FBXO8: variants seen among roughly 807,000 people sequenced by gnomAD.
FBXO8 encodes the protein F-box only protein 8.
A neutral mutation model predicts 33.4 loss-of-function variants in FBXO8; 15 were observed. The observed-to-expected ratio is 0.45, with a 90% CI of 0.30 to 0.69. FBXO8 has a LOEUF of 0.69. Among genes scored for constraint, FBXO8 ranks in the 30% least tolerant of loss-of-function variants. The pLI, the probability that FBXO8 is intolerant of heterozygous loss-of-function variation, is 0.08. For missense variants in FBXO8, 274 were observed against 380.3 expected, an observed-to-expected ratio of 0.72 and a Z score of 2.32; for synonymous variants, 132 against 131.5, an observed-to-expected ratio of 1.00 and a Z score of -0.02.
At chr4:174,239,829 A>AT (rs917851488) in intron 4 of FBXO8, among the ~76,000 whole-genome samples, 4 of 149,092 alleles carry the variant, frequency 2.7e-5, no homozygotes, top group South Asian at 2.2e-4. Context: ...TGTATATCTA[A>AT]TTTTTTAAAA....
Position 174,253,750 on chromosome 4 carries a change from T to C in FBXO8, c.456+5949A>G, listed in dbSNP as rs1479943970. Among the ~76,000 whole-genome samples the C allele has an allele frequency of 1.3e-5, 2 of 152,212 alleles. No homozygotes were observed. Among genetic ancestry groups the C allele is most frequent in the Non-Finnish European group, 2.9e-5 (2 of 68,034 alleles). On this transcript the variant is annotated intron_variant, in intron 3 of 5. Transcript: ENST00000393674. This position sits in a 1 kb window ranked among gnomAD's most constrained non-coding sequence, Gnocchi z 4.5. ...GGGGTGCTCGTGTGATTCAATTATG[T>C]TCTATAAGAAATGAGTAGAAGTACG...
Position 174,263,161 on chromosome 4 carries a change from G to A in FBXO8, c.-8-61C>T. 7.0e-7 allele frequency: 1 copy of A among 1,426,552 alleles called. No homozygotes were observed. The allele number at this position is 1,426,552 out of a possible 1,614,324, so 88.4% of individuals were successfully genotyped here. ...TAAAAAGTAACCCATTTTTCCCAGT[G>A]GTATAACAAATCTGACATGAAGCAT... On this transcript the variant is annotated intron_variant, in intron 1 of 5. Coordinates refer to ENST00000393674, the MANE Select transcript of FBXO8 (RefSeq NM_012180.3). This position sits in a 1 kb window ranked among gnomAD's most constrained non-coding sequence, Gnocchi z 4.2.
intron 3 of FBXO8, among the ~76,000 whole-genome samples, chr4:174,248,009 T>G (rs1030791993): frequency 6.6e-6 from 1 of 152,100 alleles, no homozygotes; most frequent in African/African-American, 2.4e-5. Flanking sequence ...AATATTTATC[T>G]GAGGATATTT....
chr4:174,237,532 C>A lies in FBXO8; in HGVS notation c.840G>T (p.Lys280Asn). 1 of 1,613,666 alleles carries A rather than the reference C, an allele frequency of 6.2e-7. No individual in the cohort carries two copies. The highest frequency in any genetic ancestry group is 8.5e-7 in the Non-Finnish European group (1 of 1,179,692). ...LSIDLTSPHV[K>N]NKMSKREFIR... Reference sequence around the variant, plus strand: ...TAAATTCCCTTTTTGACATTTTATTCTTCACATGAGGGCTAGTGAGGTCAA... The same window carrying A: ...TAAATTCCCTTTTTGACATTTTATTATTCACATGAGGGCTAGTGAGGTCAA... Residue 280 changes from lysine to asparagine, a missense_variant, in exon 6 of 6, where the codon AAG (lysine) becomes AAT (asparagine). This residue lies in a region of FBXO8 where 186 missense variants were observed against 293.4 expected (regional missense o/e 0.63). Coordinates refer to ENST00000393674, the MANE Select transcript of FBXO8 (RefSeq NM_012180.3). The surrounding 1 kb of genome is among the most constrained non-coding windows in gnomAD (Gnocchi z 4.4).
Position 174,245,315 on chromosome 4 carries a change from CG to C in FBXO8, c.457-4098del, listed in dbSNP as rs935940641. 6.6e-6 allele frequency among the ~76,000 whole-genome samples: 1 copy of C among 151,560 alleles called. No individual in the cohort carries two copies. Among genetic ancestry groups the C allele is most frequent in the Non-Finnish European group, 1.5e-5 (1 of 67,778 alleles). On this transcript the variant is annotated intron_variant, in intron 3 of 5. Transcript: ENST00000393674. This position sits in a 1 kb window ranked among gnomAD's most constrained non-coding sequence, Gnocchi z 4.6. ...AAGGAAAAGTCACTATGGGATAGGA[CG>C]TTTGGATAAGGTTTCCTGCTAGAGA...
At chr4:174,273,877 C>T (rs1269585125) in intron 1 of FBXO8, among the ~76,000 whole-genome samples, 1 of 152,044 alleles carries the variant, frequency 6.6e-6, no homozygotes, top group Non-Finnish European at 1.5e-5. Context: ...CCTTAGGGCT[C>T]AGTGTAATAC....
At position 174,259,601 on chromosome 4, in the gene FBXO8, A is replaced by G; in HGVS notation, c.456+98T>C. 6.9e-7 allele frequency: 1 copy of G among 1,446,272 alleles called. No individual in the cohort carries two copies. Among genetic ancestry groups the G allele is most frequent in the African/African-American group, 1.5e-5 (1 of 68,798 alleles). The allele number at this position is 1,446,272 out of a possible 1,614,324, so 89.6% of individuals were successfully genotyped here. A position where few individuals can be genotyped will look rare whatever the true frequency, so the allele number is the denominator to read the frequency against. On this transcript the variant is annotated intron_variant, in intron 3 of 5. Coordinates refer to ENST00000393674, the MANE Select transcript of FBXO8 (RefSeq NM_012180.3). This position sits in a 1 kb window ranked among gnomAD's most constrained non-coding sequence, Gnocchi z 4.3. The stretch of plus-strand genomic sequence containing the variant: ...CTCAGTGATCAAAAAAGCATGTTCA[A>G]TGACTTTTTGTTTTCCCTGCTAGTT...
chr4:174,275,985 A>G lies in FBXO8; in HGVS notation c.-9+7425T>C, dbSNP rs1030556333. On this transcript the variant is annotated intron_variant, in intron 1 of 5. Transcript: ENST00000393674. This position sits in a 1 kb window ranked among gnomAD's most constrained non-coding sequence, Gnocchi z 4.4. ...AAAAGACAATGTACATATAAAATAC[A>G]TTAATTAGAAAATTGGTATAATTAC... is the stretch of plus-strand genomic sequence containing the variant. Among the ~76,000 whole-genome samples the G allele has an allele frequency of 6.6e-6, 1 of 152,214 alleles. No individual in the cohort carries two copies. Among genetic ancestry groups the G allele is most frequent in the African/African-American group, 2.4e-5 (1 of 41,476 alleles).
chr4:174,241,773 T>C lies in FBXO8; in HGVS notation c.457-555A>G, dbSNP rs1283917185. The stretch of plus-strand genomic sequence containing the variant: ...ATGTATAGGTTGTACTACTTTGGCT[T>C]TAAACATTGCTATGTTCTACAAAAA... On this transcript the variant is annotated intron_variant, in intron 3 of 5. Coordinates refer to ENST00000393674, the MANE Select transcript of FBXO8 (RefSeq NM_012180.3). This position sits in a 1 kb window ranked among gnomAD's most constrained non-coding sequence, Gnocchi z 4.2. 6.6e-6 allele frequency among the ~76,000 whole-genome samples: 1 copy of C among 151,564 alleles called. No individual in the cohort carries two copies. The highest frequency in any genetic ancestry group is 1.5e-5 in the Non-Finnish European group (1 of 67,588).
At position 174,241,780 on chromosome 4, in the gene FBXO8, T is replaced by G. The variant is rs1736046861; in HGVS notation, c.457-562A>C. On this transcript the variant is annotated intron_variant, in intron 3 of 5. Coordinates refer to ENST00000393674, the MANE Select transcript of FBXO8 (RefSeq NM_012180.3). This position sits in a 1 kb window ranked among gnomAD's most constrained non-coding sequence, Gnocchi z 4.2. ...GGTTGTACTACTTTGGCTTTAAACATTGCTATGTTCTACAAAAACCTAGCT... is the reference window on the plus strand; with the variant it reads ...GGTTGTACTACTTTGGCTTTAAACAGTGCTATGTTCTACAAAAACCTAGCT... 6.6e-6 allele frequency among the ~76,000 whole-genome samples: 1 copy of G among 151,558 alleles called. No homozygotes were observed. The highest frequency in any genetic ancestry group is 2.1e-4 in the South Asian group (1 of 4,832).
Position 174,267,605 on chromosome 4 carries a change from G to C in FBXO8, c.-8-4505C>G, listed in dbSNP as rs1398703996. 6.6e-6 allele frequency among the ~76,000 whole-genome samples: 1 copy of C among 152,110 alleles called. No individual in the cohort carries two copies. The highest frequency in any genetic ancestry group is 1.5e-5 in the Non-Finnish European group (1 of 68,014). ...TAAACTGTCAACACTAGCTCTAAAA[G>C]AGATGTAGAATATGATGCAGTTTCA... On this transcript the variant is annotated intron_variant, in intron 1 of 5. Transcript: ENST00000393674. The surrounding 1 kb of genome is among the most constrained non-coding windows in gnomAD (Gnocchi z 4.7).
rs1736982194 is a variant in FBXO8, at chr4:174,277,320, GTCTA to G, written c.-9+6086_-9+6089del. 6.6e-6 allele frequency among the ~76,000 whole-genome samples: 1 copy of G among 152,022 alleles called. No homozygotes were observed. Among genetic ancestry groups the G allele is most frequent in the South Asian group, 2.1e-4 (1 of 4,830 alleles). ...ATTAATATTTTGTATCTAATACAAAGTCTATCTGTAAAATATTAAGCAGCTTTAA... is the reference window on the plus strand; with the variant it reads ...ATTAATATTTTGTATCTAATACAAAGTCTGTAAAATATTAAGCAGCTTTAA... On this transcript the variant is annotated intron_variant, in intron 1 of 5. Transcript: ENST00000393674. This position sits in a 1 kb window ranked among gnomAD's most constrained non-coding sequence, Gnocchi z 4.9.
chr4:174,267,192 A>G lies in FBXO8; in HGVS notation c.-8-4092T>C, dbSNP rs530601154. Reference sequence around the variant, plus strand: ...TTCACAGAAAATTTTAAAACTCAGCATGCCTGAGGATGGTGCCAATAGCAG... The same window carrying G: ...TTCACAGAAAATTTTAAAACTCAGCGTGCCTGAGGATGGTGCCAATAGCAG... On this transcript the variant is annotated intron_variant, in intron 1 of 5. Transcript: ENST00000393674. This position sits in a 1 kb window ranked among gnomAD's most constrained non-coding sequence, Gnocchi z 4.7. Among the ~76,000 whole-genome samples, 1 of 152,336 alleles carries G rather than the reference A, an allele frequency of 6.6e-6. No individual in the cohort carries two copies. Among genetic ancestry groups the G allele is most frequent in the East Asian group, 1.9e-4 (1 of 5,188 alleles).
At chr4:174,260,806 C>G (rs1204185094) in intron 2 of FBXO8, among the ~76,000 whole-genome samples, 1 of 151,944 alleles carries the variant, frequency 6.6e-6, no homozygotes, top group Non-Finnish European at 1.5e-5. Context: ...TATTCTGATA[C>G]AATTGTGATG....
rs1736378878 is a variant in FBXO8, at chr4:174,254,678, T to C, written c.456+5021A>G. On this transcript the variant is annotated intron_variant, in intron 3 of 5. Coordinates refer to ENST00000393674, the MANE Select transcript of FBXO8 (RefSeq NM_012180.3). The surrounding 1 kb of genome is among the most constrained non-coding windows in gnomAD (Gnocchi z 4.2). ...CTTCCCTTTCCAAATCAGATGGTAA[T>C]CAAAATATAAAATGGAAAAATCTCT... is the stretch of plus-strand genomic sequence containing the variant. Among the ~76,000 whole-genome samples, 1 of 152,142 alleles carries C rather than the reference T, an allele frequency of 6.6e-6. No homozygotes were observed. The highest frequency in any genetic ancestry group is 2.4e-5 in the African/African-American group (1 of 41,456).
At chr4:174,279,562 A>G (rs1737029603) in intron 1 of FBXO8, among the ~76,000 whole-genome samples, 1 of 152,156 alleles carries the variant, frequency 6.6e-6, no homozygotes, top group South Asian at 2.1e-4. Flanking sequence ...CTTGAAAAAG[A>G]ACAACAAAGC....
rs115835040 is a variant in FBXO8 at position 174,244,485 on chromosome 4, G to A, written c.457-3267C>T. 8.6e-3 allele frequency among the ~76,000 whole-genome samples: 1,300 copies of A among 151,670 alleles called. 21 individuals are homozygous for A. The highest frequency in any genetic ancestry group is 0.03 in the African/African-American group (1,241 of 41,442). ...AACTCAGAACTACTTAAATTTGACC[G>A]TTTAATCTATACACATTTTAACTCC... is the stretch of plus-strand genomic sequence containing the variant. On this transcript the variant is annotated intron_variant, in intron 3 of 5. Coordinates refer to ENST00000393674, the MANE Select transcript of FBXO8 (RefSeq NM_012180.3).
rs1736861403 is a variant in FBXO8 at position 174,272,501 on chromosome 4, T to C, written c.-8-9401A>G. On this transcript the variant is annotated intron_variant, in intron 1 of 5. Transcript: ENST00000393674. The surrounding 1 kb of genome is among the most constrained non-coding windows in gnomAD (Gnocchi z 4.7). ...ACACTGGATGCAGATCCACAAATAC[T>C]GAGGACCAACTGTATAATCCATTAC... 6.6e-6 allele frequency among the ~76,000 whole-genome samples: 1 copy of C among 152,194 alleles called. No individual in the cohort carries two copies. The highest frequency in any genetic ancestry group is 2.4e-5 in the African/African-American group (1 of 41,444).
intron 1 of FBXO8, among the ~76,000 whole-genome samples, chr4:174,279,043 T>C (rs1737014805): frequency 6.6e-6 from 1 of 151,924 alleles, no homozygotes; most frequent in Non-Finnish European, 1.5e-5. Flanking sequence ...TAAAATTCCA[T>C]GGTTCCAAGA....
Sources: allele counts gnomAD v4.1 joint callset (sites outside exome capture counted in the v4.1 genomes callset), GRCh38; gene constraint gnomAD v4.1.1; regional missense constraint gnomAD v4.1.1; non-coding constraint Gnocchi (gnomAD v3.1); transcripts MANE v1.5; gene names NCBI Gene and HGNC (gene_info 2026-07-23, HGNC 2026-07-21).